DMGDH: variants seen among roughly 807,000 people sequenced by gnomAD.
The protein encoded by DMGDH is dimethylglycine dehydrogenase, mitochondrial.
In DMGDH, 76 loss-of-function variants were observed where a neutral mutation model predicts 95.2. That is an observed-to-expected ratio of 0.80 (90% confidence interval 0.66 to 0.97). The LOEUF is 0.97. Ranked by LOEUF, DMGDH falls within the 50% of genes least tolerant of loss-of-function variation. The pLI is 0.00. For synonymous variants in DMGDH, 345 were observed against 377.6 expected, an observed-to-expected ratio of 0.91 and a Z score of 1.00; for missense variants, 987 against 1,055.0, an observed-to-expected ratio of 0.94 and a Z score of 0.89.
At chr5:79,044,967 T>C (rs1412289511) in intron 5 of DMGDH, among the ~76,000 whole-genome samples, 2 of 152,214 alleles carry the variant, frequency 1.3e-5, no homozygotes, top group Non-Finnish European at 2.9e-5. Flanking sequence ...GGCCCCTGTG[T>C]TGCTGTGACC....
chr5:79,051,218 C>T, intron 5 of DMGDH, 69 bp downstream of exon 5: 1 of 1,511,122 alleles, frequency 6.6e-7, no homozygotes, highest in Non-Finnish European at 9.2e-7. Flanking sequence ...TCGTACGAAA[C>T]ATTACGGCTA....
intron 15 of DMGDH, among the ~76,000 whole-genome samples, chr5:79,002,731 C>A (rs1197565690): frequency 6.6e-6 from 1 of 152,146 alleles, no homozygotes; most frequent in Non-Finnish European, 1.5e-5. Flanking sequence ...CAAGTCAAGA[C>A]AAAGTCTGAA....
chr5:79,058,015 CA>C (rs1755082014), intron 2 of DMGDH, among the ~76,000 whole-genome samples: 1 of 152,090 alleles, frequency 6.6e-6, no homozygotes, highest in South Asian at 2.1e-4. Flanking sequence ...TTCATTTTTT[CA>C]AAAACTCTTA....
intron 14 of DMGDH, among the ~76,000 whole-genome samples, chr5:79,016,508 T>C (rs1162717316): frequency 6.6e-6 from 1 of 152,126 alleles, no homozygotes; most frequent in African/African-American, 2.4e-5. Context: ...CATGAAATAC[T>C]TAAGGATAAA....
At chr5:79,020,005 T>A (rs1171587891) in intron 14 of DMGDH, among the ~76,000 whole-genome samples, 2 of 152,184 alleles carry the variant, frequency 1.3e-5, no homozygotes, top group Non-Finnish European at 2.9e-5. Flanking sequence ...TTCTAGCAGG[T>A]CCCAGGTGAC....
intron 14 of DMGDH, among the ~76,000 whole-genome samples, chr5:79,016,689 C>T (rs1406109790): frequency 6.6e-6 from 1 of 152,104 alleles, no homozygotes. Flanking sequence ...TTTTTTGGTA[C>T]ACATTGACAA....
chr5:79,030,037 A>G lies in DMGDH; in HGVS notation c.1684-3T>C, dbSNP rs773444465. 9 of 1,610,756 alleles carry G rather than the reference A, an allele frequency of 5.6e-6. No homozygotes were observed. The East Asian group carries it at 2.0e-4, about 36-fold the overall frequency. On this transcript the variant is annotated splice_polypyrimidine_tract_variant and splice_region_variant and intron_variant, in intron 10 of 15. Transcript: ENST00000255189. ...TGACTTATATTTGTAAAACCCACCTACATAAAAAAATTAAAAATTACCTTA... is the reference window on the plus strand; with the variant it reads ...TGACTTATATTTGTAAAACCCACCTGCATAAAAAAATTAAAAATTACCTTA...
chr5:79,047,658 G>A (rs749375139), intron 5 of DMGDH, among the ~76,000 whole-genome samples: 23 of 152,218 alleles, frequency 1.5e-4, no homozygotes, highest in Admixed American at 5.9e-4. Flanking sequence ...GGAAAGCTTT[G>A]GTAACTAAAG....
chr5:79,018,519 T>C (rs1365082107), intron 14 of DMGDH, among the ~76,000 whole-genome samples: 1 of 133,360 alleles, frequency 7.5e-6, no homozygotes, highest in African/African-American at 2.8e-5. Context: ...GGTGAGGCTG[T>C]GGGGAGGGTG....
intron 1 of DMGDH, among the ~76,000 whole-genome samples, chr5:79,067,417 A>G (rs1397361068): frequency 1.3e-5 from 2 of 152,254 alleles, no homozygotes; most frequent in African/African-American, 4.8e-5. Context: ...TGTGTGTTCA[A>G]AAGAAAGAAT....
chr5:79,033,390 A>G lies in DMGDH; in HGVS notation c.1212T>C (p.Ala404=), dbSNP rs117591962. The change falls in exon 8 of 16, where the codon GCT becomes GCC. Residue 404 remains alanine, a synonymous_variant. Transcript: ENST00000255189. Reference sequence around the variant, plus strand: ...CACTGAGATATTTCCCTACCCCACCAGCGTGGATTATGCCATATCTTTCAA... The same window carrying G: ...CACTGAGATATTTCCCTACCCCACCGGCGTGGATTATGCCATATCTTTCAA... The part of the protein sequence containing the change: ...AIGFGYGIIH[A]GGVGKYLSDW... 5 of 1,614,168 alleles carry G rather than the reference A, an allele frequency of 3.1e-6. No homozygotes were observed. The East Asian group carries it at 1.1e-4, about 36-fold the overall frequency.
rs200595242 is a variant in DMGDH at position 79,068,272 on chromosome 5, T to TTTTAAACAGATCAAC, written c.101+1247_101+1248insGTTGATCTGTTTAAA. On this transcript the variant is annotated intron_variant, in intron 1 of 15. Coordinates refer to ENST00000255189, the MANE Select transcript of DMGDH (RefSeq NM_013391.3). ...ATTTGTATCTTATTTATCTAATCAGTTTGTTTGTTAAATTTCCATTTTATT... is the reference window on the plus strand; with the variant it reads ...ATTTGTATCTTATTTATCTAATCAGTTTTAAACAGATCAACTTGTTTGTTAAATTTCCATTTTATT... Among the ~76,000 whole-genome samples the TTTTAAACAGATCAAC allele has an allele frequency of 7.6e-3, 1,155 of 152,330 alleles. 10 individuals are homozygous for TTTTAAACAGATCAAC. The highest frequency in any genetic ancestry group is 0.026 in the African/African-American group (1,083 of 41,570).
At chr5:79,015,017 A>G (rs535843061) in intron 14 of DMGDH, among the ~76,000 whole-genome samples, 2 of 152,258 alleles carry the variant, frequency 1.3e-5, no homozygotes, top group African/African-American at 2.4e-5. Flanking sequence ...ACCTGCCTCA[A>G]TGACCACCTA....
intron 15 of DMGDH, chr5:79,000,733 C>T (rs536496115): frequency 8.0e-6 from 5 of 627,794 alleles, no homozygotes; most frequent in South Asian, 7.6e-5. Context: ...AATACTTTCA[C>T]CAATATTCTG....
At chr5:79,061,751 T>A (rs1208859204) in intron 2 of DMGDH, among the ~76,000 whole-genome samples, 4 of 151,948 alleles carry the variant, frequency 2.6e-5, no homozygotes, top group African/African-American at 9.7e-5. Flanking sequence ...GAGACCCCCA[T>A]TTCTAAAAAA....
chr5:79,050,981 T>G (rs528044801), intron 5 of DMGDH, among the ~76,000 whole-genome samples: 1 of 152,190 alleles, frequency 6.6e-6, no homozygotes, highest in Admixed American at 6.5e-5. Context: ...GTTATTCATA[T>G]AGAGAAACAG....
chr5:78,999,831 A>T (rs931765827), intron 15 of DMGDH, among the ~76,000 whole-genome samples: 1 of 151,236 alleles, frequency 6.6e-6, no homozygotes, highest in African/African-American at 2.4e-5. Flanking sequence ...ACAGGCAGGG[A>T]TTAGGGTCAG....
At chr5:79,010,807 T>C (rs983878987) in intron 14 of DMGDH, among the ~76,000 whole-genome samples, 1 of 152,158 alleles carries the variant, frequency 6.6e-6, no homozygotes, top group Admixed American at 6.5e-5. Context: ...ACAGCACTGG[T>C]TGTGGAATCA....
At chr5:79,043,900 G>T (rs1461182800) in intron 6 of DMGDH, among the ~76,000 whole-genome samples, 1 of 152,196 alleles carries the variant, frequency 6.6e-6, no homozygotes, top group Non-Finnish European at 1.5e-5. Context: ...TTATTAGGAT[G>T]GATATCTGGC....
Sources: gnomAD v4.1 joint callset for allele counts (sites outside exome capture counted in the v4.1 genomes callset) on GRCh38, gnomAD v4.1.1 for gene constraint, MANE v1.5 for transcripts, NCBI Gene and HGNC (gene_info 2026-07-23, HGNC 2026-07-21) for gene names.